PBX3: variants seen among roughly 807,000 people sequenced by gnomAD.
PBX3 encodes the protein PBX homeobox 3.
A neutral mutation model predicts 48.5 loss-of-function variants in PBX3; 14 were observed. That is an observed-to-expected ratio of 0.29 (90% CI 0.19 to 0.45). The LOEUF (loss-of-function observed/expected upper bound fraction) is 0.45. Among genes scored for constraint, PBX3 ranks in the 20% least tolerant of loss-of-function variants. PBX3 has a pLI of 1.00. For synonymous variants in PBX3, 210 were observed against 200.3 expected (o/e 1.05, Z -0.41); for missense variants, 386 against 546.7 (o/e 0.71, Z 2.93).
At position 125,899,208 on chromosome 9, in the gene PBX3, A is replaced by AATATACATATGTATATATATTTATAT. The variant is rs1840848557; in HGVS notation, c.275-16474_275-16449dup. Among the ~76,000 whole-genome samples, 12 of 119,428 alleles carry AATATACATATGTATATATATTTATAT rather than the reference A, an allele frequency of 1.0e-4. No homozygotes were observed. The Admixed American group carries it at 1.0e-3, about 10-fold the overall frequency. 78.3% of individuals were successfully genotyped at this position (119,428 alleles called of 152,430 possible). A position where few individuals can be genotyped will look rare whatever the true frequency, so the allele number is the denominator to read the frequency against. ...TCTTTAGATGATATATATATTTATA[A>AATATACATATGTATATATATTTATAT]ATATACATATGTATATATATTTATA... is the stretch of plus-strand genomic sequence containing the variant. On this transcript the variant is annotated intron_variant, in intron 2 of 8. Coordinates refer to ENST00000373489, the MANE Select transcript of PBX3 (RefSeq NM_006195.6).
chr9:125,878,207 C>G (rs1036245002), intron 2 of PBX3, among the ~76,000 whole-genome samples: 2 of 152,222 alleles, frequency 1.3e-5, no homozygotes, highest in Non-Finnish European at 2.9e-5. Context: ...CTGAGAAGAG[C>G]TGCACATCAG....
chr9:125,888,856 C>G (rs1241943335), intron 2 of PBX3, among the ~76,000 whole-genome samples: 2 of 152,130 alleles, frequency 1.3e-5, no homozygotes, highest in African/African-American at 4.8e-5. Context: ...AGGCTGCATT[C>G]AGATTTGGGA....
chr9:125,867,093 A>G (rs1485782845), intron 2 of PBX3, among the ~76,000 whole-genome samples: 1 of 152,212 alleles, frequency 6.6e-6, no homozygotes, highest in Non-Finnish European at 1.5e-5. Context: ...TTTGACAAAA[A>G]TAATACCATG....
intron 2 of PBX3, among the ~76,000 whole-genome samples, chr9:125,766,810 T>C (rs73667054): frequency 0.059 from 8,983 of 152,212 alleles, 610 homozygotes; most frequent in East Asian, 0.17. Context: ...TAATTATCTT[T>C]AAAGGTGACA....
intron 2 of PBX3, among the ~76,000 whole-genome samples, chr9:125,777,710 G>T (rs967592346): frequency 6.6e-6 from 1 of 151,914 alleles, no homozygotes; most frequent in African/African-American, 2.4e-5. Flanking sequence ...AAAGCCATTT[G>T]GTCCTGGGCT....
At chr9:125,791,235 A>C (rs1388601931) in intron 2 of PBX3, among the ~76,000 whole-genome samples, 1 of 152,092 alleles carries the variant, frequency 6.6e-6, no homozygotes, top group African/African-American at 2.4e-5. Context: ...GTATATTAAT[A>C]GTGCCTTAAG....
At chr9:125,951,169 T>C (rs368198930) in intron 5 of PBX3, among the ~76,000 whole-genome samples, 67 of 152,276 alleles carry the variant, frequency 4.4e-4, no homozygotes, top group African/African-American at 1.6e-3. Context: ...ATGGCTACTG[T>C]TTAAATACAG....
intron 3 of PBX3, among the ~76,000 whole-genome samples, chr9:125,921,630 C>A (rs1248486873): frequency 6.6e-6 from 1 of 152,114 alleles, no homozygotes; most frequent in Non-Finnish European, 1.5e-5. Context: ...ACAGCTATTT[C>A]ATCTTTGTGG....
intron 2 of PBX3, among the ~76,000 whole-genome samples, chr9:125,783,899 G>A (rs1033529172): frequency 6.6e-6 from 1 of 152,176 alleles, no homozygotes; most frequent in East Asian, 2.0e-4. Flanking sequence ...TACTCTGGAC[G>A]CTGAGGTGGG....
At chr9:125,872,811 C>T (rs1026184436) in intron 2 of PBX3, among the ~76,000 whole-genome samples, 23 of 151,074 alleles carry the variant, frequency 1.5e-4, no homozygotes, top group African/African-American at 5.1e-4. Context: ...TAAAGAGGGA[C>T]ACTATATCTT....
At chr9:125,868,220 C>T (rs1840036787) in intron 2 of PBX3, among the ~76,000 whole-genome samples, 1 of 151,960 alleles carries the variant, frequency 6.6e-6, no homozygotes, top group Non-Finnish European at 1.5e-5. Flanking sequence ...AGGCACTGTG[C>T]CAAGCACTTT....
intron 2 of PBX3, among the ~76,000 whole-genome samples, chr9:125,839,303 C>G (rs1032427699): frequency 6.6e-6 from 1 of 152,164 alleles, no homozygotes; most frequent in African/African-American, 2.4e-5. Flanking sequence ...AAATCTCATT[C>G]ATTGTTGTAG....
chr9:125,938,665 G>A (rs1841891434), intron 5 of PBX3, among the ~76,000 whole-genome samples: 1 of 152,122 alleles, frequency 6.6e-6, no homozygotes, highest in African/African-American at 2.4e-5. Flanking sequence ...AAGCGGGGAA[G>A]GAGCATTGTT....
intron 2 of PBX3, among the ~76,000 whole-genome samples, chr9:125,857,639 T>C (rs940378929): frequency 1.3e-5 from 2 of 152,202 alleles, no homozygotes; most frequent in Admixed American, 1.3e-4. Flanking sequence ...TAAAAGCCAC[T>C]CCTATTTACA....
chr9:125,874,742 A>G (rs1277476696), intron 2 of PBX3, among the ~76,000 whole-genome samples: 1 of 152,204 alleles, frequency 6.6e-6, no homozygotes, highest in Non-Finnish European at 1.5e-5. Flanking sequence ...GCCAGTGGGA[A>G]TATAAATTGG....
intron 2 of PBX3, among the ~76,000 whole-genome samples, chr9:125,878,492 C>G (rs571999246): frequency 6.6e-6 from 1 of 152,170 alleles, no homozygotes; most frequent in African/African-American, 2.4e-5. Flanking sequence ...AAAAGAAAGG[C>G]CTAGATAATT....
At chr9:125,858,214 A>G (rs1839772133) in intron 2 of PBX3, among the ~76,000 whole-genome samples, 1 of 152,146 alleles carries the variant, frequency 6.6e-6, no homozygotes, top group Non-Finnish European at 1.5e-5. Flanking sequence ...AAAATTAAAA[A>G]ATTATCTGAG....
At chr9:125,861,624 A>AT (rs1174648668) in intron 2 of PBX3, among the ~76,000 whole-genome samples, 5 of 152,236 alleles carry the variant, frequency 3.3e-5, no homozygotes, top group African/African-American at 1.2e-4. Context: ...ACAATGGAAT[A>AT]TTATTCAGCC....
At chr9:125,949,861 T>C (rs567271719) in intron 5 of PBX3, among the ~76,000 whole-genome samples, 70 of 152,268 alleles carry the variant, frequency 4.6e-4, no homozygotes, top group African/African-American at 1.6e-3. Flanking sequence ...GGCCCATCAT[T>C]ATTTGGAGTG....
Sources: gnomAD v4.1 joint callset for allele counts (sites outside exome capture counted in the v4.1 genomes callset) on GRCh38, gnomAD v4.1.1 for gene constraint, MANE v1.5 for transcripts, NCBI Gene and HGNC (gene_info 2026-07-23, HGNC 2026-07-21) for gene names.